Variants in CDH22 observed in about 807,000 individuals in gnomAD.
CDH22 encodes cadherin 22.
Under a neutral mutation model 58.4 loss-of-function variants are expected in CDH22, and 30 were observed. The ratio of observed to expected loss-of-function variants is 0.51; its 90% confidence interval spans 0.38 to 0.70. The LOEUF is 0.70. Ranked by LOEUF, CDH22 falls within the 30% of genes least tolerant of loss-of-function variation. The probability of loss-of-function intolerance (pLI) is 0.00; values close to 1 mark genes in which losing one functional copy is unlikely to be tolerated. For synonymous variants in CDH22, 513 were observed against 558.2 expected (o/e 0.92, Z 1.14); for missense variants, 1,014 against 1,233.9 (o/e 0.82, Z 2.67).
rs1445028442 is a variant in CDH22, at chr20:46,216,700, CAG to C, written c.838+124_838+125del. 1.1e-6 allele frequency: 1 copy of C among 916,340 alleles called. No homozygotes were observed. The highest frequency in any genetic ancestry group is 1.6e-5 in the African/African-American group (1 of 60,814). 56.8% of individuals were successfully genotyped at this position (916,340 alleles called of 1,614,324 possible). The stretch of plus-strand genomic sequence containing the variant: ...TGGCTTGGGAGGACAGACAGACAGA[CAG>C]AAAGAGAGGGGGAAGCCCTTCTTTT... On this transcript the variant is annotated intron_variant, in intron 5 of 11. Coordinates refer to ENST00000537909, the MANE Select transcript of CDH22 (RefSeq NM_021248.3). The surrounding 1 kb of genome is among the most constrained non-coding windows in gnomAD (Gnocchi z 5.3).
At chr20:46,275,339 T>C in intron 1 of CDH22, among the ~76,000 whole-genome samples, 1 of 152,168 alleles carries the variant, frequency 6.6e-6, no homozygotes, top group East Asian at 1.9e-4. Flanking sequence ...CCCATATCTG[T>C]GGGCCTCCCT....
At chr20:46,204,716 T>C (rs2085987917) in intron 7 of CDH22, among the ~76,000 whole-genome samples, 1 of 152,048 alleles carries the variant, frequency 6.6e-6, no homozygotes, top group African/African-American at 2.4e-5. Context: ...TCTAACAGCA[T>C]CCTCTTAAGG....
chr20:46,185,040 C>A (rs1031758559), intron 10 of CDH22, among the ~76,000 whole-genome samples: 1 of 151,826 alleles, frequency 6.6e-6, no homozygotes, highest in African/African-American at 2.4e-5. Flanking sequence ...GAGCTGAGAT[C>A]GCACCACTGC....
intron 1 of CDH22, among the ~76,000 whole-genome samples, chr20:46,272,198 T>A (rs2086494237): frequency 6.6e-6 from 1 of 152,250 alleles, no homozygotes; most frequent in African/African-American, 2.4e-5. Context: ...GTCCAGAAGT[T>A]TAAGATGACT....
intron 8 of CDH22, among the ~76,000 whole-genome samples, 188 bp downstream of exon 8, chr20:46,199,235 G>A (rs958987316): frequency 6.6e-6 from 1 of 152,190 alleles, no homozygotes; most frequent in East Asian, 1.9e-4. Flanking sequence ...TTTTGCCCTC[G>A]CCTTCACCGC....
intron 4 of CDH22, among the ~76,000 whole-genome samples, chr20:46,219,082 T>C (rs60986292): frequency 0.021 from 3,183 of 152,284 alleles, 101 homozygotes; most frequent in African/African-American, 0.072. Context: ...TGTTTGTGTG[T>C]GTATTTCTGT....
At position 46,241,188 on chromosome 20, in the gene CDH22, T is replaced by C; in HGVS notation, c.325A>G (p.Ile109Val). Residue 109 changes from isoleucine (I) to valine (V), a missense_variant, in exon 3 of 12, where the codon ATC becomes GTC. Physicochemically the swap from Ile to Val is conservative, Grantham distance 29. Around this residue, in one of 2 missense-constraint regions of CDH22, gnomAD observed 806 missense variants for 1,038.7 expected, o/e 0.78. Transcript: ENST00000537909. The surrounding 1 kb of genome is among the most constrained non-coding windows in gnomAD (Gnocchi z 5.2). ...CCTGTCAGCTCGTCGATCAGGAAGA[T>C]GGTCCCAGCACCCTCGCCTGAGATG... is the stretch of plus-strand genomic sequence containing the variant. ...YTISGEGAGT[I>V]FLIDELTGDI... 2.5e-6 allele frequency: 4 copies of C among 1,614,106 alleles called. No individual in the cohort carries two copies. Among genetic ancestry groups the C allele is most frequent in the Non-Finnish European group, 2.5e-6 (3 of 1,179,988 alleles).
At chr20:46,229,945 C>T (rs1271534904) in intron 3 of CDH22, among the ~76,000 whole-genome samples, 1 of 152,144 alleles carries the variant, frequency 6.6e-6, no homozygotes, top group Non-Finnish European at 1.5e-5. Context: ...ATCCCAGGGA[C>T]TCCCGAGGGG....
intron 4 of CDH22, among the ~76,000 whole-genome samples, chr20:46,223,613 T>G (rs1329872908): frequency 2.0e-5 from 3 of 148,820 alleles, no homozygotes; most frequent in Non-Finnish European, 4.4e-5. Context: ...GATTTCTTTC[T>G]TTTTCTTTCT....
At chr20:46,302,408 C>T (rs1041305519) in intron 1 of CDH22, among the ~76,000 whole-genome samples, 4 of 152,126 alleles carry the variant, frequency 2.6e-5, no homozygotes, top group African/African-American at 7.2e-5. Flanking sequence ...GCCAAGAGTC[C>T]TCTGGGGGGC....
chr20:46,199,665 A>G, intron 7 of CDH22, 106 bp from the exon 8 acceptor site: 1 of 1,375,430 alleles, frequency 7.3e-7, no homozygotes. Flanking sequence ...TGCCTTGGAC[A>G]CACACAAGGG....
chr20:46,254,484 G>A (rs902998111), intron 1 of CDH22, among the ~76,000 whole-genome samples: 3 of 151,468 alleles, frequency 2.0e-5, no homozygotes, highest in African/African-American at 7.3e-5. Context: ...GAACCTGGGA[G>A]GTGGAGGTTG....
At chr20:46,247,052 C>CT (rs950493995) in intron 2 of CDH22, among the ~76,000 whole-genome samples, 19 of 151,760 alleles carry the variant, frequency 1.3e-4, no homozygotes, top group Admixed American at 3.9e-4. Context: ...AACCTTCCCC[C>CT]CCACTTAGTG....
chr20:46,174,399 G>T lies in CDH22; in HGVS notation c.*107C>A. ...CCCCTCCGTCCAGCCGCCAAGGGAG[G>T]GTTGGGGGAGGGCAGGAAAGGGGGT... On this transcript the variant is annotated 3_prime_UTR_variant, in exon 12 of 12. Transcript: ENST00000537909. The surrounding 1 kb of genome is among the most constrained non-coding windows in gnomAD (Gnocchi z 4.4). 1.3e-6 allele frequency: 1 copy of T among 749,516 alleles called. No homozygotes were observed. Among genetic ancestry groups the T allele is most frequent in the African/African-American group, 1.9e-5 (1 of 53,070 alleles). The allele number at this position is 749,516 out of a possible 1,614,324, so 46.4% of individuals were successfully genotyped here. A position where few individuals can be genotyped will look rare whatever the true frequency, so the allele number is the denominator to read the frequency against.
At chr20:46,277,051 G>A (rs2086521812) in intron 1 of CDH22, among the ~76,000 whole-genome samples, 1 of 152,118 alleles carries the variant, frequency 6.6e-6, no homozygotes, top group South Asian at 2.1e-4. Context: ...AACTTTTGGA[G>A]GCTGAGGGGA....
chr20:46,256,674 C>T (rs923907864), intron 1 of CDH22, among the ~76,000 whole-genome samples: 3 of 152,082 alleles, frequency 2.0e-5, no homozygotes, highest in African/African-American at 7.2e-5. Flanking sequence ...AGGGTTTGAG[C>T]AGAAGAGTGA....
chr20:46,226,294 T>TCTTCTTCTTCTTCTTC, intron 4 of CDH22, among the ~76,000 whole-genome samples: 1 of 138,934 alleles, frequency 7.2e-6, no homozygotes, highest in Non-Finnish European at 1.5e-5. Context: ...TTCTTCTTCT[T>TCTTCTTCTTCTTCTTC]TTTTTTTTTG....
chr20:46,242,947 A>T (rs2145728489), intron 2 of CDH22, among the ~76,000 whole-genome samples: 1 of 152,246 alleles, frequency 6.6e-6, no homozygotes, highest in Non-Finnish European at 1.5e-5. Flanking sequence ...AACCAGCAAG[A>T]CGTCTGTTTT....
intron 1 of CDH22, among the ~76,000 whole-genome samples, chr20:46,278,180 G>A (rs1016126240): frequency 2.5e-4 from 37 of 150,954 alleles, no homozygotes; most frequent in African/African-American, 8.8e-4. Context: ...ACTCCCTCTG[G>A]GGGACCACCC....
Sources: gnomAD v4.1 joint callset for allele counts (sites outside exome capture counted in the v4.1 genomes callset) on GRCh38, gnomAD v4.1.1 for gene constraint, gnomAD v4.1.1 regional missense constraint, Gnocchi (gnomAD v3.1) non-coding constraint, MANE v1.5 for transcripts, NCBI Gene and HGNC (gene_info 2026-07-23, HGNC 2026-07-21) for gene names.